The following ZPLD1 variants were observed in gnomAD, a reference collection of about 807,000 sequenced individuals.
The protein encoded by ZPLD1 is zona pellucida-like domain-containing protein 1.
ZPLD1 carries 34 observed loss-of-function variants against 47.2 expected under a neutral mutation model. The observed-to-expected ratio is 0.72, with a 90% CI of 0.55 to 0.96. The LOEUF (loss-of-function observed/expected upper bound fraction) is 0.96, where lower values mean the gene tolerates loss of function less well. ZPLD1 is among the 40% of genes least tolerant of loss of function. The pLI is 0.00. For missense variants in ZPLD1, 512 were observed against 505.8 expected (o/e 1.01, Z -0.12); for synonymous variants, 176 against 186.2 (o/e 0.95, Z 0.45).
chr3:102,388,701 T>A (rs1204289523), intron 6 of ZPLD1, among the ~76,000 whole-genome samples: 2 of 152,158 alleles, frequency 1.3e-5, no homozygotes, highest in African/African-American at 4.8e-5. Flanking sequence ...ATTAAGCACA[T>A]CAGTAGTTCT....
intron 6 of ZPLD1, among the ~76,000 whole-genome samples, chr3:102,461,184 C>G (rs1707501728): frequency 6.6e-6 from 1 of 151,936 alleles, no homozygotes; most frequent in Non-Finnish European, 1.5e-5. Context: ...GATATGTTGT[C>G]TTTCCCAATG....
intron 6 of ZPLD1, among the ~76,000 whole-genome samples, chr3:102,390,828 A>T (rs920438889): frequency 6.6e-6 from 1 of 152,198 alleles, no homozygotes; most frequent in Non-Finnish European, 1.5e-5. Context: ...GTGAGAGATT[A>T]TTGGAATGTT....
intron 7 of ZPLD1, among the ~76,000 whole-genome samples, chr3:102,406,417 C>T (rs1177473042): frequency 6.6e-6 from 1 of 151,840 alleles, no homozygotes; most frequent in African/African-American, 2.4e-5. Context: ...TTCTGAAGAC[C>T]TTGGGTATTG....
intron 4 of ZPLD1, 131 bp downstream of exon 4, chr3:102,453,270 C>T: frequency 1.2e-6 from 1 of 815,460 alleles, no homozygotes; most frequent in Admixed American, 2.7e-5. Flanking sequence ...CTTTCCTTTG[C>T]CTGTTTGAGG....
chr3:102,409,312 T>C (rs564175304), intron 7 of ZPLD1, among the ~76,000 whole-genome samples: 3 of 151,924 alleles, frequency 2.0e-5, no homozygotes, highest in Non-Finnish European at 2.9e-5. Flanking sequence ...ACACTCCTTG[T>C]TCTCGAGATA....
At chr3:102,388,150 A>G (rs949891663) in intron 6 of ZPLD1, among the ~76,000 whole-genome samples, 5 of 151,994 alleles carry the variant, frequency 3.3e-5, no homozygotes, top group South Asian at 2.1e-4. Flanking sequence ...GTGAGCCACC[A>G]TGCCCGGCCT....
At chr3:102,399,937 G>C (rs928710793) in intron 7 of ZPLD1, among the ~76,000 whole-genome samples, 2 of 151,994 alleles carry the variant, frequency 1.3e-5, no homozygotes, top group Non-Finnish European at 2.9e-5. Context: ...TCGTGCCTCA[G>C]TATCCTGAGT....
chr3:102,418,780 G>A (rs1253333978), intron 8 of ZPLD1, among the ~76,000 whole-genome samples: 1 of 152,000 alleles, frequency 6.6e-6, no homozygotes, highest in African/African-American at 2.4e-5. Context: ...TAATTATGGT[G>A]TGATTTTCTT....
chr3:102,476,885 T>C, intron 10 of ZPLD1, 127 bp from the exon 11 acceptor site: 1 of 1,099,124 alleles, frequency 9.1e-7, no homozygotes, highest in Non-Finnish European at 1.4e-6. Context: ...CTCAAGGAGA[T>C]TATGGGTGGA....
At chr3:102,462,244 G>A in intron 6 of ZPLD1, 37 bp from the exon 7 acceptor site, 1 of 1,320,724 alleles carries the variant, frequency 7.6e-7, no homozygotes, top group Non-Finnish European at 1.1e-6. Context: ...CTGTTGTTGG[G>A]GAGGTAATAA....
In ZPLD1 at chr3:102,452,919, C is replaced by T; in HGVS notation, c.107C>T (p.Ala36Val). The T allele has an allele frequency of 6.2e-7, 1 of 1,612,602 alleles. No homozygotes were observed. Among genetic ancestry groups the T allele is most frequent in the Non-Finnish European group, 8.5e-7 (1 of 1,178,940 alleles). The change falls in exon 4 of 12, where the codon GCT becomes GTT. Residue 36 changes from alanine to valine, a missense_variant and splice_region_variant. By Grantham distance (64) the Ala-to-Val change is moderately conservative (BLOSUM62 0). Coordinates refer to ENST00000466937, the MANE Select transcript of ZPLD1 (RefSeq NM_001329788.2). ...CDANLHSRFP[A>V]ERDISVYCGV... ...TGTTTTTTATATATTTTTATTTCAG[C>T]TGAAAGAGACATCAGTGTCTATTGT...
chr3:102,398,257 C>T (rs956463825), intron 7 of ZPLD1, among the ~76,000 whole-genome samples: 9 of 151,872 alleles, frequency 5.9e-5, no homozygotes, highest in African/African-American at 2.2e-4. Flanking sequence ...TTGCAGCTAG[C>T]TTTAATATTT....
At chr3:102,396,619 G>A (rs181794073) in intron 7 of ZPLD1, among the ~76,000 whole-genome samples, 308 of 152,234 alleles carry the variant, frequency 2.0e-3, no homozygotes, top group Non-Finnish European at 3.4e-3. Flanking sequence ...GCACAGTCCC[G>A]ATGAGGACAC....
Position 102,443,556 on chromosome 3 carries a change from G to A in ZPLD1, c.106+4963G>A, listed in dbSNP as rs576142399. On this transcript the variant is annotated intron_variant, in intron 3 of 11. Transcript: ENST00000466937. Reference sequence around the variant, plus strand: ...ATTGCCACGTCTAAGGATCTGAAAAGTCATGTGTTGGGGGAATTTGTTTAG... The same window carrying A: ...ATTGCCACGTCTAAGGATCTGAAAAATCATGTGTTGGGGGAATTTGTTTAG... 2.6e-5 allele frequency among the ~76,000 whole-genome samples: 4 copies of A among 152,274 alleles called. No individual in the cohort carries two copies. In the South Asian group the frequency reaches 8.3e-4, roughly 32 times the overall value.
At chr3:102,436,730 G>A (rs1707096771) in intron 1 of ZPLD1, 130 bp from the exon 2 acceptor site, 1 of 222,772 alleles carries the variant, frequency 4.5e-6, no homozygotes, top group Non-Finnish European at 7.5e-6. Context: ...GGCACAAAGT[G>A]CCTTCTTTGT....
intron 8 of ZPLD1, among the ~76,000 whole-genome samples, chr3:102,467,542 T>C (rs909348891): frequency 5.9e-5 from 9 of 152,076 alleles, no homozygotes; most frequent in African/African-American, 2.2e-4. Flanking sequence ...GGGAATTTAG[T>C]GTAAGATAGA....
chr3:102,477,373 T>C (rs1463493927), intron 11 of ZPLD1, 70 bp from the exon 12 acceptor site: 2 of 1,485,692 alleles, frequency 1.3e-6, no homozygotes, highest in Non-Finnish European at 1.8e-6. Context: ...GTTTTGCAGG[T>C]AAAATTGGGT....
Position 102,478,450 on chromosome 3 carries a change from C to A in ZPLD1, c.*832C>A, listed in dbSNP as rs1707791398. 1 of 40,238 alleles carries A rather than the reference C, an allele frequency of 2.5e-5. No homozygotes were observed. Among genetic ancestry groups the A allele is most frequent in the African/African-American group, 5.2e-5 (1 of 19,358 alleles). The allele number at this position is 40,238 out of a possible 1,614,324, so 2.5% of individuals were successfully genotyped here. ...AGATTATTTTTAATTCAAGAATCAT[C>A]ACATGTGAAAACAAGCTGTAGTTGT... is the stretch of plus-strand genomic sequence containing the variant. On this transcript the variant is annotated 3_prime_UTR_variant, in exon 12 of 12. Coordinates refer to ENST00000466937, the MANE Select transcript of ZPLD1 (RefSeq NM_001329788.2).
At chr3:102,452,114 CGTGTGTGTGTGTGTGTGTGT>C (rs56086826) in intron 3 of ZPLD1, among the ~76,000 whole-genome samples, 5 of 141,718 alleles carry the variant, frequency 3.5e-5, no homozygotes, top group African/African-American at 1.0e-4. Context: ...ATATGAAGAC[CGTGTGTGTGTGTGTGTGTGT>C]GTGTGTGTGT....
Sources: allele counts gnomAD v4.1 joint callset (sites outside exome capture counted in the v4.1 genomes callset), GRCh38; gene constraint gnomAD v4.1.1; transcripts MANE v1.5; gene names NCBI Gene and HGNC (gene_info 2026-07-23, HGNC 2026-07-21).